FBN1: variants seen among roughly 807,000 people sequenced by gnomAD.
FBN1 encodes fibrillin 1, also known as fibrillin-1.
FBN1 carries 29 observed loss-of-function variants against 365.1 expected under a neutral mutation model. That is an observed-to-expected ratio of 0.08 (90% CI 0.06 to 0.11). The LOEUF is 0.11. FBN1 is among the 10% of genes least tolerant of loss of function. The probability of loss-of-function intolerance (pLI) is 1.00; values close to 1 mark genes in which losing one functional copy is unlikely to be tolerated. For missense variants in FBN1, 2,476 were observed against 3,703.2 expected, an observed-to-expected ratio of 0.67 and a Z score of 8.60; for synonymous variants, 1,210 against 1,270.5, an observed-to-expected ratio of 0.95 and a Z score of 1.01.
chr15:48,633,592 A>C (rs1890031572), intron 2 of FBN1, among the ~76,000 whole-genome samples: 1 of 152,142 alleles, frequency 6.6e-6, no homozygotes, highest in South Asian at 2.1e-4. Context: ...ATCCTTTCTA[A>C]TGTGGAGGTT....
In FBN1 at chr15:48,481,651, A is replaced by ACACCT; in HGVS notation, c.3963_3964+3dup. On this transcript the variant is annotated splice_donor_region_variant and intron_variant, in intron 32 of 65. Transcript: ENST00000316623. ...ATTTTATTGTTCTACTTGAACAAAC[A>ACACCT]CACCTGTACAGCCAGTTTTTCCTTT... The ACACCT allele has an allele frequency of 6.2e-7, 1 of 1,613,608 alleles. No homozygotes were observed.
intron 6 of FBN1, among the ~76,000 whole-genome samples, chr15:48,553,502 C>T (rs924658902): frequency 6.6e-5 from 10 of 152,208 alleles, no homozygotes; most frequent in Admixed American, 2.6e-4. Context: ...AATAGGGTAA[C>T]GGTACTGACA....
intron 3 of FBN1, 49 bp downstream of exon 3, chr15:48,612,961 A>C: frequency 7.2e-7 from 1 of 1,396,886 alleles, no homozygotes. Context: ...CATGCAACCA[A>C]CACAACAAAA....
chr15:48,500,968 C>G (rs1033443631), intron 17 of FBN1, among the ~76,000 whole-genome samples: 8 of 152,234 alleles, frequency 5.3e-5, no homozygotes, highest in African/African-American at 7.2e-5. Context: ...GCCTACCCCC[C>G]ATTCTTGAAA....
chr15:48,521,296 C>G (rs1181573128), intron 9 of FBN1, among the ~76,000 whole-genome samples: 1 of 152,210 alleles, frequency 6.6e-6, no homozygotes, highest in Non-Finnish European at 1.5e-5. Context: ...CAGTCTGCAA[C>G]TGTGAGAGTC....
intron 43 of FBN1, among the ~76,000 whole-genome samples, chr15:48,459,810 T>C (rs1597543132): frequency 6.6e-6 from 1 of 152,212 alleles, no homozygotes; most frequent in East Asian, 1.9e-4. Flanking sequence ...CCTGAGGAGA[T>C]TCCATGTAAG....
At chr15:48,411,449 A>G in intron 65 of FBN1, 70 bp from the exon 66 acceptor site, 1 of 1,435,414 alleles carries the variant, frequency 7.0e-7, no homozygotes, top group South Asian at 1.2e-5. Context: ...TTAAAGAAAA[A>G]ATGACTCAAA....
chr15:48,470,647 G>A lies in FBN1; in HGVS notation c.4446C>T (p.Gly1482=), dbSNP rs772727859. The part of the protein sequence containing the change: ...CEIGYELDRS[G]GNCTDVNECL... ...TGGAGGTCTTACCTGTGCAGTTCCC[G>A]CCGCTTCTGTCCAGTTCGTAGCCTA... Residue 1482 remains glycine (G), a synonymous_variant, in exon 36 of 66, where the codon GGC becomes GGT. Transcript: ENST00000316623. 1.3e-5 allele frequency: 21 copies of A among 1,613,850 alleles called. No individual in the cohort carries two copies. The highest frequency in any genetic ancestry group is 5.0e-5 in the Admixed American group (3 of 59,990).
At chr15:48,551,539 T>C (rs1477774785) in intron 6 of FBN1, among the ~76,000 whole-genome samples, 1 of 151,892 alleles carries the variant, frequency 6.6e-6, no homozygotes, top group Non-Finnish European at 1.5e-5. Context: ...TTAGTTTAAG[T>C]TCAGGGGTAC....
rs886038248 is a variant in FBN1, at chr15:48,488,372, G to A, written c.3204C>T (p.Cys1068=). 1 of 1,614,092 alleles carries A rather than the reference G, an allele frequency of 6.2e-7. No individual in the cohort carries two copies. The highest frequency in any genetic ancestry group is 1.3e-5 in the African/African-American group (1 of 74,934). The change falls in exon 26 of 66, where the codon TGC becomes TGT. Residue 1068 remains cysteine, a synonymous_variant. Transcript: ENST00000316623. The part of the protein sequence containing the change: ...GFALDSEERN[C]TDIDECRISP... The stretch of plus-strand genomic sequence containing the variant: ...CCTTAAGGCTCATTAACTGACCTGT[G>A]CAGTTCCTTTCTTCAGAATCAAGAG...
intron 43 of FBN1, 81 bp from the exon 44 acceptor site, chr15:48,456,843 CGTGTGTGTGTGT>C (rs3074895): frequency 1.9e-5 from 14 of 744,622 alleles, no homozygotes; most frequent in Non-Finnish European, 2.9e-5. Flanking sequence ...AAAGTGCGTG[CGTGTGTGTGTGT>C]GTGTGTGTGT....
At chr15:48,624,733 T>A (rs1029785179) in intron 2 of FBN1, among the ~76,000 whole-genome samples, 1 of 152,252 alleles carries the variant, frequency 6.6e-6, no homozygotes, top group Admixed American at 6.5e-5. Flanking sequence ...ATTCATTCCA[T>A]TTATTCAAGT....
At chr15:48,508,083 G>A (rs1428658221) in intron 15 of FBN1, among the ~76,000 whole-genome samples, 2 of 152,048 alleles carry the variant, frequency 1.3e-5, no homozygotes, top group African/African-American at 4.8e-5. Flanking sequence ...ACTTGATAAA[G>A]CCGAAATAAA....
intron 8 of FBN1, among the ~76,000 whole-genome samples, chr15:48,530,502 T>C (rs904553136): frequency 3.3e-5 from 5 of 151,938 alleles, no homozygotes; most frequent in Non-Finnish European, 5.9e-5. Flanking sequence ...CCACGGGGCA[T>C]CAAGGACGGG....
intron 27 of FBN1, 75 bp downstream of exon 27, chr15:48,488,038 G>T: frequency 1.3e-6 from 2 of 1,594,522 alleles, no homozygotes; most frequent in African/African-American, 1.3e-5. Flanking sequence ...GAAGAACCTG[G>T]AACATAGGCT....
chr15:48,490,072 C>T lies in FBN1; in HGVS notation c.2861G>A (p.Arg954His), dbSNP rs112911555. 4 of 1,614,076 alleles carry T rather than the reference C, an allele frequency of 2.5e-6. No individual in the cohort carries two copies. The highest frequency in any genetic ancestry group is 1.7e-5 in the Admixed American group (1 of 60,018). ...DATGRICLDI[R>H]LETCFLRYED... The stretch of plus-strand genomic sequence containing the variant: ...GTACCTCAGGAAGCAGGTTTCCAGG[C>T]GGATATCTGTCAGAGGGAATCAAGG... Residue 954 changes from arginine (R) to histidine (H), a missense_variant, in exon 25 of 66, where the codon CGC becomes CAC. Physicochemically the swap from Arg to His is conservative, Grantham distance 29. Transcript: ENST00000316623.
chr15:48,640,742 T>G (rs1890183653), intron 2 of FBN1, among the ~76,000 whole-genome samples: 1 of 152,196 alleles, frequency 6.6e-6, no homozygotes, highest in South Asian at 2.1e-4. Context: ...GAAGTCTCAA[T>G]CCATCTTCTC....
rs554729390 is a variant in FBN1 at position 48,533,018 on chromosome 15, T to A, written c.862+1062A>T. 2.6e-3 allele frequency among the ~76,000 whole-genome samples: 392 copies of A among 152,320 alleles called. 3 individuals are homozygous for A. Among genetic ancestry groups the A allele is most frequent in the African/African-American group, 8.9e-3 (372 of 41,582 alleles). On this transcript the variant is annotated intron_variant, in intron 8 of 65. Coordinates refer to ENST00000316623, the MANE Select transcript of FBN1 (RefSeq NM_000138.5). ...ATTATTCAGTTTCAGGGCAAGTAGATATTAAATGTCTTACATGTAACTTAT... is the reference window on the plus strand; with the variant it reads ...ATTATTCAGTTTCAGGGCAAGTAGAAATTAAATGTCTTACATGTAACTTAT...
intron 22 of FBN1, among the ~76,000 whole-genome samples, chr15:48,494,818 A>ATC (rs1215536228): frequency 1.3e-5 from 2 of 152,228 alleles, no homozygotes; most frequent in Non-Finnish European, 2.9e-5. Context: ...TTGAAAGATA[A>ATC]TCTGTACCTA....
Sources: gnomAD v4.1 joint callset for allele counts (sites outside exome capture counted in the v4.1 genomes callset) on GRCh38, gnomAD v4.1.1 for gene constraint, MANE v1.5 for transcripts, NCBI Gene and HGNC (gene_info 2026-07-23, HGNC 2026-07-21) for gene names.